DOCK4: variants seen among roughly 807,000 people sequenced by gnomAD.
DOCK4 encodes the protein dedicator of cytokinesis protein 4.
In DOCK4, 97 loss-of-function variants were observed where a neutral mutation model predicts 268.1. The observed-to-expected ratio is 0.36, with a 90% confidence interval of 0.31 to 0.43. The LOEUF (loss-of-function observed/expected upper bound fraction) is 0.43, where lower values mean the gene tolerates loss of function less well. Among genes scored for constraint, DOCK4 ranks in the 20% least tolerant of loss-of-function variants. The probability of loss-of-function intolerance (pLI) is 1.00; values close to 1 mark genes in which losing one functional copy is unlikely to be tolerated. For synonymous variants in DOCK4, 954 were observed against 887.2 expected (o/e 1.08, Z -1.34); for missense variants, 2,145 against 2,455.7 (o/e 0.87, Z 2.67).
intron 37 of DOCK4, among the ~76,000 whole-genome samples, 157 bp from the exon 38 acceptor site, chr7:111,767,275 G>C (rs1797823424): frequency 7.0e-6 from 1 of 141,946 alleles, no homozygotes; most frequent in South Asian, 2.2e-4. Flanking sequence ...TCACCAGGCT[G>C]GAGCGCAGTG....
intron 1 of DOCK4, among the ~76,000 whole-genome samples, chr7:112,007,645 T>C (rs528129870): frequency 1.1e-3 from 167 of 152,222 alleles, no homozygotes; most frequent in Middle Eastern, 3.4e-3. Flanking sequence ...AAGGCAGTTC[T>C]AGGTAAAGAG....
At chr7:112,169,810 G>C (rs1817924625) in intron 1 of DOCK4, among the ~76,000 whole-genome samples, 2 of 152,130 alleles carry the variant, frequency 1.3e-5, no homozygotes, top group Admixed American at 1.3e-4. Flanking sequence ...AATCACCTTT[G>C]TGCTTCACCA....
intron 1 of DOCK4, among the ~76,000 whole-genome samples, chr7:112,004,402 T>C (rs1196537023): frequency 6.6e-6 from 1 of 152,230 alleles, no homozygotes; most frequent in African/African-American, 2.4e-5. Context: ...ATAATAGATA[T>C]AAACAAAGGT....
rs201112690 is a variant in DOCK4 at position 111,774,021 on chromosome 7, A to AAAAAG, written c.3679+4250_3679+4254dup. On this transcript the variant is annotated intron_variant, in intron 36 of 52. Coordinates refer to ENST00000428084, the MANE Select transcript of DOCK4 (RefSeq NM_001363540.2). ...GACAGAGTCAAACCTTGTCTCAAAA[A>AAAAAG]AAAAGAAAAGAAAAGAAAAGAAAAT... Among the ~76,000 whole-genome samples, 192 of 152,006 alleles carry AAAAAG rather than the reference A, an allele frequency of 1.3e-3. 1 individual carries two copies. Among genetic ancestry groups the AAAAAG allele is most frequent in the African/African-American group, 4.0e-3 (167 of 41,460 alleles).
intron 2 of DOCK4, among the ~76,000 whole-genome samples, chr7:112,002,226 A>G (rs1343520777): frequency 1.3e-5 from 2 of 152,176 alleles, no homozygotes; most frequent in East Asian, 1.9e-4. Context: ...CAGAATCTCT[A>G]TATCTCAGGG....
At chr7:112,119,287 G>A (rs1173662715) in intron 1 of DOCK4, among the ~76,000 whole-genome samples, 4 of 151,958 alleles carry the variant, frequency 2.6e-5, no homozygotes, top group Non-Finnish European at 5.9e-5. Context: ...CCACCCTGCC[G>A]CTTTTAGCCT....
At chr7:111,897,236 C>G (rs180770108) in intron 15 of DOCK4, among the ~76,000 whole-genome samples, 61 of 152,192 alleles carry the variant, frequency 4.0e-4, no homozygotes, top group Non-Finnish European at 3.7e-4. Flanking sequence ...TCAAATTATT[C>G]GTCCTCATCT....
At chr7:111,776,942 G>A (rs535657171) in intron 36 of DOCK4, among the ~76,000 whole-genome samples, 6 of 152,056 alleles carry the variant, frequency 3.9e-5, no homozygotes, top group Middle Eastern at 3.4e-3. Flanking sequence ...TCAGCCTCCC[G>A]AGTAGCTGGG....
In DOCK4 at chr7:111,741,679, G is replaced by GA. The variant is rs1366197493; in HGVS notation, c.4798-19dup. On this transcript the variant is annotated intron_variant, in intron 45 of 52. Transcript: ENST00000428084. Reference sequence around the variant, plus strand: ...GAGAACTCCTAAAGATGTAGTAAAGGAAATATCTCATTACAGTAATGATTT... The same window carrying GA: ...GAGAACTCCTAAAGATGTAGTAAAGGAAAATATCTCATTACAGTAATGATTT... 5 of 1,610,248 alleles carry GA rather than the reference G, an allele frequency of 3.1e-6. No homozygotes were observed. The Admixed American group carries it at 8.4e-5, about 27-fold the overall frequency.
At position 112,206,227 on chromosome 7, in the gene DOCK4, C is replaced by A; in HGVS notation, c.-89G>T. ...AATGCACAGTCCCCGAGCAGCGCTGCAGTGCCGGAGCCCAGCGGCTTCGCG... is the reference window on the plus strand; with the variant it reads ...AATGCACAGTCCCCGAGCAGCGCTGAAGTGCCGGAGCCCAGCGGCTTCGCG... On this transcript the variant is annotated 5_prime_UTR_variant, in exon 1 of 53. Transcript: ENST00000428084. 1 of 1,422,712 alleles carries A rather than the reference C, an allele frequency of 7.0e-7. No homozygotes were observed. Among genetic ancestry groups the A allele is most frequent in the Non-Finnish European group, 9.7e-7 (1 of 1,033,674 alleles). The allele number at this position is 1,422,712 out of a possible 1,614,324, so 88.1% of individuals were successfully genotyped here. A position where few individuals can be genotyped will look rare whatever the true frequency, so the allele number is the denominator to read the frequency against.
intron 10 of DOCK4, among the ~76,000 whole-genome samples, chr7:111,940,718 T>G (rs1197555024): frequency 6.6e-6 from 1 of 152,246 alleles, no homozygotes; most frequent in East Asian, 1.9e-4. Flanking sequence ...TGCTCCTGCC[T>G]CAGCTCTCAG....
chr7:111,921,370 T>C lies in DOCK4; in HGVS notation c.1067-5466A>G, dbSNP rs933308. 8.4e-3 allele frequency among the ~76,000 whole-genome samples: 1,273 copies of C among 152,302 alleles called. 21 individuals are homozygous for C. The highest frequency in any genetic ancestry group is 0.03 in the African/African-American group (1,233 of 41,556). On this transcript the variant is annotated intron_variant, in intron 12 of 52. Transcript: ENST00000428084. ...CTTGGAAGTTCTAATTTCATGAGAA[T>C]TGAAGCTCATTTATTCTATAAGTTG...
chr7:112,082,372 T>C (rs895109646), intron 1 of DOCK4, among the ~76,000 whole-genome samples: 5 of 152,070 alleles, frequency 3.3e-5, no homozygotes, highest in Non-Finnish European at 7.4e-5. Context: ...GGTAGGAAGT[T>C]GGTAATTTCA....
intron 16 of DOCK4, among the ~76,000 whole-genome samples, chr7:111,887,559 A>G (rs901398281): frequency 6.6e-6 from 1 of 152,120 alleles, no homozygotes; most frequent in African/African-American, 2.4e-5. Context: ...GCTCTATGCT[A>G]TAGGGCAGTC....
intron 1 of DOCK4, among the ~76,000 whole-genome samples, chr7:112,054,573 A>C (rs573734154): frequency 6.6e-6 from 1 of 152,162 alleles, no homozygotes. Context: ...ACTGACAAAA[A>C]AAAACAAAAC....
At chr7:112,014,975 T>A (rs1801688613) in intron 1 of DOCK4, among the ~76,000 whole-genome samples, 1 of 152,026 alleles carries the variant, frequency 6.6e-6, no homozygotes, top group Admixed American at 6.6e-5. Flanking sequence ...CAAACCAGAG[T>A]GACTCCATAT....
At chr7:112,053,763 A>C (rs1401000870) in intron 1 of DOCK4, among the ~76,000 whole-genome samples, 3 of 152,178 alleles carry the variant, frequency 2.0e-5, no homozygotes, top group African/African-American at 4.8e-5. Context: ...AAGGGAAGGC[A>C]TCATCAGCAA....
chr7:112,161,443 T>C (rs943345612), intron 1 of DOCK4, among the ~76,000 whole-genome samples: 2 of 152,152 alleles, frequency 1.3e-5, no homozygotes, highest in Non-Finnish European at 2.9e-5. Flanking sequence ...GAAAACCTAA[T>C]AGAAAGCTAC....
intron 23 of DOCK4, among the ~76,000 whole-genome samples, chr7:111,849,267 T>A (rs2134105360): frequency 6.6e-6 from 1 of 150,886 alleles, no homozygotes; most frequent in South Asian, 2.1e-4. Context: ...AGTTACTTTT[T>A]TTTTTTTTTT....
Sources: allele counts gnomAD v4.1 joint callset (sites outside exome capture counted in the v4.1 genomes callset), GRCh38; gene constraint gnomAD v4.1.1; transcripts MANE v1.5; gene names NCBI Gene and HGNC (gene_info 2026-07-23, HGNC 2026-07-21).